KCTD19: variants seen among roughly 807,000 people sequenced by gnomAD.
KCTD19 encodes BTB/POZ domain-containing protein KCTD19.
KCTD19 carries 67 observed loss-of-function variants against 103.5 expected under a neutral mutation model. The ratio of observed to expected loss-of-function variants is 0.65; its 90% CI spans 0.53 to 0.79. The LOEUF is 0.79. KCTD19 is among the 30% of genes least tolerant of loss of function. The pLI, the probability that KCTD19 is intolerant of heterozygous loss-of-function variation, is 0.00. For synonymous variants in KCTD19, 439 were observed against 452.2 expected, an observed-to-expected ratio of 0.97 and a Z score of 0.37; for missense variants, 980 against 1,136.1, an observed-to-expected ratio of 0.86 and a Z score of 1.98.
At chr16:67,315,231 C>G (rs369842719) in intron 2 of KCTD19, among the ~76,000 whole-genome samples, 1 of 152,046 alleles carries the variant, frequency 6.6e-6, no homozygotes, top group Non-Finnish European at 1.5e-5. Context: ...ATCTCCCTAC[C>G]TCTCACTGTA....
At position 67,325,610 on chromosome 16, in the gene KCTD19, A is replaced by C. The variant is rs116004972; in HGVS notation, c.3+1095T>G. Among the ~76,000 whole-genome samples, 958 of 152,056 alleles carry C rather than the reference A, an allele frequency of 6.3e-3. 8 individuals carry two copies. Among genetic ancestry groups the C allele is most frequent in the African/African-American group, 0.022 (895 of 41,474 alleles). On this transcript the variant is annotated intron_variant, in intron 1 of 15. Coordinates refer to ENST00000304372, the MANE Select transcript of KCTD19 (RefSeq NM_001100915.3). The stretch of plus-strand genomic sequence containing the variant: ...TGGCTCCTTCTTACATACATGTCCC[A>C]TCCACAGGTGGGCTCTTAAGTGCCT...
At position 67,289,565 on chromosome 16, in the gene KCTD19, C is replaced by T. The variant is rs1348994770; in HGVS notation, c.*4G>A. ...GGGCATGAGGGGCTGCATCTCTGGG[C>T]ACCCTAGTCCTCTTGTAGGTACTTT... On this transcript the variant is annotated 3_prime_UTR_variant, in exon 16 of 16. Transcript: ENST00000304372. 6 of 1,591,310 alleles carry T rather than the reference C, an allele frequency of 3.8e-6. No homozygotes were observed. The highest frequency in any genetic ancestry group is 5.2e-6 in the Non-Finnish European group (6 of 1,160,016).
In KCTD19 at chr16:67,320,458, A is replaced by T; in HGVS notation, c.300+131T>A. On this transcript the variant is annotated intron_variant, in intron 2 of 15. Transcript: ENST00000304372. The surrounding 1 kb of genome is among the most constrained non-coding windows in gnomAD (Gnocchi z 4.0). Reference sequence around the variant, plus strand: ...TATACTAATGAGGAAATTATTTATTACTTTAACACACTTATTACATTTGCC... The same window carrying T: ...TATACTAATGAGGAAATTATTTATTTCTTTAACACACTTATTACATTTGCC... 2 of 852,804 alleles carry T rather than the reference A, an allele frequency of 2.3e-6. No individual in the cohort carries two copies. Among genetic ancestry groups the T allele is most frequent in the Non-Finnish European group, 3.7e-6 (2 of 536,596 alleles). 52.8% of individuals were successfully genotyped at this position (852,804 alleles called of 1,614,324 possible).
At chr16:67,311,613 T>TA (rs1354794794) in intron 2 of KCTD19, among the ~76,000 whole-genome samples, 1 of 151,852 alleles carries the variant, frequency 6.6e-6, no homozygotes, top group Admixed American at 6.6e-5. Context: ...GGCCAAATCT[T>TA]AAAAGGGGAG....
intron 2 of KCTD19, among the ~76,000 whole-genome samples, chr16:67,317,163 G>A (rs574705299): frequency 5.3e-5 from 8 of 152,210 alleles, no homozygotes; most frequent in East Asian, 1.9e-4. Context: ...CACTAGCCAC[G>A]TATGGTTATT....
chr16:67,325,203 T>TG (rs2037127033), intron 1 of KCTD19, among the ~76,000 whole-genome samples: 1 of 138,664 alleles, frequency 7.2e-6, no homozygotes, highest in African/African-American at 3.1e-5. Flanking sequence ...TTTTTTCTTT[T>TG]TTTCTTTTTT....
At chr16:67,315,575 G>A (rs138453996) in intron 2 of KCTD19, among the ~76,000 whole-genome samples, 2,285 of 152,122 alleles carry the variant, frequency 0.015, 30 homozygotes, top group Middle Eastern at 0.088. Context: ...TCCGCCTCCC[G>A]GGTTCAAGCA....
rs771972233 is a variant in KCTD19, at chr16:67,315,311, CTTTT to C, written c.300+5274_300+5277del. ...AGGGTATTAGCGTTTAACTATTCCT[CTTTT>C]TTTTTTTTTTGGGATAGTCTCACTC... On this transcript the variant is annotated intron_variant, in intron 2 of 15. Coordinates refer to ENST00000304372, the MANE Select transcript of KCTD19 (RefSeq NM_001100915.3). Among the ~76,000 whole-genome samples, 805 of 141,562 alleles carry C rather than the reference CTTTT, an allele frequency of 5.7e-3. 11 individuals are homozygous for C. The highest frequency in any genetic ancestry group is 0.02 in the African/African-American group (772 of 38,742). 92.9% of individuals were successfully genotyped at this position (141,562 alleles called of 152,430 possible). A position where few individuals can be genotyped will look rare whatever the true frequency, so the allele number is the denominator to read the frequency against.
At chr16:67,290,164 TTTC>T (rs1567445528) in intron 15 of KCTD19, among the ~76,000 whole-genome samples, 1 of 146,728 alleles carries the variant, frequency 6.8e-6, no homozygotes, top group Non-Finnish European at 1.5e-5. Flanking sequence ...TACTGAATAT[TTTC>T]TTTTTTTTTT....
rs1243199939 is a variant in KCTD19, at chr16:67,319,882, C to A, written c.300+707G>T. Among the ~76,000 whole-genome samples the A allele has an allele frequency of 4.6e-5, 7 of 151,622 alleles. No individual in the cohort carries two copies. In the South Asian group the frequency reaches 1.5e-3, roughly 32 times the overall value. The stretch of plus-strand genomic sequence containing the variant: ...ATGAGAGGTGATATTCTTGATAAAT[C>A]TTTTAGATTTTAAATCTCAGACATG... On this transcript the variant is annotated intron_variant, in intron 2 of 15. Coordinates refer to ENST00000304372, the MANE Select transcript of KCTD19 (RefSeq NM_001100915.3).
intron 8 of KCTD19, 55 bp from the exon 9 acceptor site, chr16:67,295,460 G>T: frequency 6.5e-7 from 1 of 1,549,060 alleles, no homozygotes; most frequent in Admixed American, 1.8e-5. Flanking sequence ...TTGCGAAGGG[G>T]CAGGTCAATC....
chr16:67,306,372 T>C (rs1332890667), intron 2 of KCTD19, among the ~76,000 whole-genome samples: 1 of 152,096 alleles, frequency 6.6e-6, no homozygotes, highest in African/African-American at 2.4e-5. Context: ...TTCAAGTGAT[T>C]CTCCTGCCTT....
chr16:67,294,928 A>T, intron 10 of KCTD19, 45 bp downstream of exon 10: 1 of 1,463,164 alleles, frequency 6.8e-7, no homozygotes, highest in Non-Finnish European at 9.6e-7. Flanking sequence ...AGAGGAATTT[A>T]AAGGACCAAA....
chr16:67,297,357 C>T (rs1597393736), intron 7 of KCTD19, 146 bp downstream of exon 7: 2 of 771,988 alleles, frequency 2.6e-6, no homozygotes, highest in South Asian at 1.8e-5. Flanking sequence ...ATGAAAGTTT[C>T]CCTTTTGTAA....
chr16:67,295,111 G>C (rs2036749870), intron 9 of KCTD19, 55 bp from the exon 10 acceptor site: 2 of 1,570,964 alleles, frequency 1.3e-6, no homozygotes, highest in Non-Finnish European at 1.8e-6. Context: ...GTGTGGGAGG[G>C]AGCATGAGCT....
At chr16:67,325,178 C>G (rs984826620) in intron 1 of KCTD19, among the ~76,000 whole-genome samples, 9 of 147,868 alleles carry the variant, frequency 6.1e-5, no homozygotes, top group Non-Finnish European at 8.9e-5. Context: ...TCTTTTCTTT[C>G]TTTCTTTTTT....
At chr16:67,292,224 C>T (rs1425712271) in intron 12 of KCTD19, among the ~76,000 whole-genome samples, 2 of 152,268 alleles carry the variant, frequency 1.3e-5, no homozygotes, top group Non-Finnish European at 1.5e-5. Flanking sequence ...CTCCTTAAGC[C>T]ACCTCAGAGC....
chr16:67,291,364 T>C lies in KCTD19; in HGVS notation c.2510A>G (p.Gln837Arg). The C allele has an allele frequency of 6.2e-7, 1 of 1,614,216 alleles. No homozygotes were observed. Among genetic ancestry groups the C allele is most frequent in the South Asian group, 1.1e-5 (1 of 91,086 alleles). The change falls in exon 14 of 16, where the codon CAA becomes CGA. Residue 837 changes from glutamine (Q) to arginine (R), a missense_variant. Coordinates refer to ENST00000304372, the MANE Select transcript of KCTD19 (RefSeq NM_001100915.3). ...GGCTGTGATGGCTTTGGGGTCCTTT[T>C]GCCTGATGGAATCCATGATGATGTC... ...LADIIMDSIR[Q>R]KDPKAITAKV...
intron 2 of KCTD19, among the ~76,000 whole-genome samples, chr16:67,311,112 T>A (rs2036944641): frequency 6.6e-6 from 1 of 152,090 alleles, no homozygotes; most frequent in African/African-American, 2.4e-5. Flanking sequence ...AGGTGCTAGG[T>A]GTTTGTTTCA....
Sources: gnomAD v4.1 joint callset for allele counts (sites outside exome capture counted in the v4.1 genomes callset) on GRCh38, gnomAD v4.1.1 for gene constraint, Gnocchi (gnomAD v3.1) non-coding constraint, MANE v1.5 for transcripts, NCBI Gene and HGNC (gene_info 2026-07-23, HGNC 2026-07-21) for gene names.